FMN2: variants seen among roughly 807,000 people sequenced by gnomAD.
The protein encoded by FMN2 is formin-2.
FMN2 carries 51 observed loss-of-function variants against 142.3 expected under a neutral mutation model. That is an observed-to-expected ratio of 0.36 (90% CI 0.29 to 0.45). The LOEUF (loss-of-function observed/expected upper bound fraction) is 0.45, where lower values mean the gene tolerates loss of function less well. Ranked by LOEUF, FMN2 falls within the 20% of genes least tolerant of loss-of-function variation. FMN2 has a pLI of 1.00. For synonymous variants in FMN2, 882 were observed against 869.8 expected, an observed-to-expected ratio of 1.01 and a Z score of -0.25; for missense variants, 1,936 against 2,122.8, an observed-to-expected ratio of 0.91 and a Z score of 1.73.
intron 16 of FMN2, among the ~76,000 whole-genome samples, chr1:240,447,335 T>C (rs376417164): frequency 6.6e-6 from 1 of 152,156 alleles, no homozygotes; most frequent in Non-Finnish European, 1.5e-5. Flanking sequence ...TATTTCAATA[T>C]AGGACCTACA....
chr1:240,381,671 C>G (rs149412047), intron 14 of FMN2, among the ~76,000 whole-genome samples: 218 of 152,296 alleles, frequency 1.4e-3, no homozygotes, highest in African/African-American at 4.9e-3. Context: ...CTCAGGTGAT[C>G]TGCCTGCCTG....
At position 240,399,803 on chromosome 1, in the gene FMN2, C is replaced by T. The variant is rs577067150; in HGVS notation, c.4910+7241C>T. On this transcript the variant is annotated intron_variant, in intron 15 of 17. Transcript: ENST00000319653. ...AGCTGATTTTAGGGCAGAGATTCTA[C>T]ACCAGGAGGGAGAATACATGAAGAC... 4.8e-4 allele frequency among the ~76,000 whole-genome samples: 73 copies of T among 152,212 alleles called. No individual in the cohort carries two copies. In the South Asian group the frequency reaches 0.015, roughly 30 times the overall value.
intron 5 of FMN2, among the ~76,000 whole-genome samples, chr1:240,209,492 G>A (rs1365556217): frequency 6.6e-6 from 1 of 150,586 alleles, no homozygotes; most frequent in African/African-American, 2.4e-5. Flanking sequence ...CTGACCTCGT[G>A]ATCCGCCCGC....
chr1:240,092,282 G>A lies in FMN2; in HGVS notation c.173G>A (p.Gly58Asp). The stretch of plus-strand genomic sequence containing the variant: ...AAGGGGGGAGGGGGCGGCGGCGGCG[G>A]CGGGGAGTCGGGCAAGAAGAAGAGC... ...HGKGGGGGGGGGESGKKKSKS... is the reference protein window; with the variant it reads ...HGKGGGGGGGDGESGKKKSKS... Residue 58 changes from glycine (G) to aspartate (D), a missense_variant, in exon 1 of 18, where the codon GGC (glycine) becomes GAC (aspartate). Transcript: ENST00000319653. 1 of 1,581,594 alleles carries A rather than the reference G, an allele frequency of 6.3e-7. No individual in the cohort carries two copies.
intron 6 of FMN2, among the ~76,000 whole-genome samples, chr1:240,222,344 T>C (rs1025454365): frequency 6.6e-6 from 1 of 152,124 alleles, no homozygotes; most frequent in African/African-American, 2.4e-5. Context: ...GTTCCATTGG[T>C]CTATATATCT....
chr1:240,297,594 C>CA (rs57504077), intron 8 of FMN2, among the ~76,000 whole-genome samples: 8,102 of 88,264 alleles, frequency 0.092, 520 homozygotes, highest in South Asian at 0.11. Flanking sequence ...GACTCCATCT[C>CA]AAAAAAAAAA....
intron 6 of FMN2, among the ~76,000 whole-genome samples, chr1:240,217,664 T>C (rs938104503): frequency 3.3e-5 from 5 of 152,158 alleles, no homozygotes; most frequent in African/African-American, 1.2e-4. Flanking sequence ...AAGATTTATT[T>C]TTTTTTTGAA....
intron 6 of FMN2, among the ~76,000 whole-genome samples, chr1:240,239,406 T>G (rs1416288441): frequency 6.6e-6 from 1 of 152,230 alleles, no homozygotes; most frequent in Non-Finnish European, 1.5e-5. Context: ...AGGCTTAAAA[T>G]CACATGTTGA....
At chr1:240,414,973 G>A (rs1674528190) in intron 15 of FMN2, among the ~76,000 whole-genome samples, 2 of 152,140 alleles carry the variant, frequency 1.3e-5, no homozygotes, top group African/African-American at 4.8e-5. Flanking sequence ...GAGAATAAAT[G>A]TCTGACATTA....
chr1:240,266,131 C>A (rs1668793540), intron 7 of FMN2, among the ~76,000 whole-genome samples: 1 of 151,038 alleles, frequency 6.6e-6, no homozygotes, highest in Admixed American at 6.6e-5. Context: ...GATTGATCCT[C>A]TCACCCAGGT....
At chr1:240,223,183 T>G (rs1376057514) in intron 6 of FMN2, among the ~76,000 whole-genome samples, 1 of 152,200 alleles carries the variant, frequency 6.6e-6, no homozygotes, top group African/African-American at 2.4e-5. Flanking sequence ...TATTGAGAGC[T>G]TTTAGCATAA....
chr1:240,219,255 A>G (rs1365501943), intron 6 of FMN2, among the ~76,000 whole-genome samples: 2 of 152,186 alleles, frequency 1.3e-5, no homozygotes, highest in Non-Finnish European at 2.9e-5. Flanking sequence ...ATTTAGATTA[A>G]TTGGACCTGA....
intron 6 of FMN2, among the ~76,000 whole-genome samples, chr1:240,252,342 T>C (rs1668304013): frequency 6.6e-6 from 1 of 152,206 alleles, no homozygotes; most frequent in Admixed American, 6.5e-5. Context: ...GTGCATTTGC[T>C]CTACCAGTAG....
At chr1:240,318,544 C>T (rs1028888573) in intron 8 of FMN2, among the ~76,000 whole-genome samples, 2 of 152,048 alleles carry the variant, frequency 1.3e-5, no homozygotes, top group Non-Finnish European at 2.9e-5. Context: ...ACTGTGAGGT[C>T]GTTGGCCAGT....
At chr1:240,200,266 G>A (rs193259581) in intron 4 of FMN2, among the ~76,000 whole-genome samples, 3 of 152,214 alleles carry the variant, frequency 2.0e-5, no homozygotes, top group East Asian at 3.9e-4. Flanking sequence ...TGCTTAAATG[G>A]CAAGAAAATG....
intron 13 of FMN2, among the ~76,000 whole-genome samples, chr1:240,337,186 TA>T (rs1202806157): frequency 6.7e-6 from 1 of 150,032 alleles, no homozygotes; most frequent in Non-Finnish European, 1.5e-5. Context: ...AGTAGCCTAT[TA>T]AAAATTATTC....
At chr1:240,365,395 TTTTCA>T (rs1325107269) in intron 14 of FMN2, among the ~76,000 whole-genome samples, 1 of 152,152 alleles carries the variant, frequency 6.6e-6, no homozygotes, top group African/African-American at 2.4e-5. Flanking sequence ...GCCTTTTGCC[TTTTCA>T]TTTCCATTAT....
At chr1:240,166,311 ACT>A (rs1664480297) in intron 2 of FMN2, among the ~76,000 whole-genome samples, 1 of 151,240 alleles carries the variant, frequency 6.6e-6, no homozygotes. Flanking sequence ...CTCACTGCAA[ACT>A]CTGCCTCCCG....
At chr1:240,427,869 T>G (rs1262097254) in intron 15 of FMN2, among the ~76,000 whole-genome samples, 1 of 152,210 alleles carries the variant, frequency 6.6e-6, no homozygotes, top group African/African-American at 2.4e-5. Flanking sequence ...AGTTGTCCAT[T>G]TTTGTGATGT....
Sources: allele counts gnomAD v4.1 joint callset (sites outside exome capture counted in the v4.1 genomes callset), GRCh38; gene constraint gnomAD v4.1.1; transcripts MANE v1.5; gene names NCBI Gene and HGNC (gene_info 2026-07-23, HGNC 2026-07-21).